The following ITIH5 variants were observed in gnomAD, a reference collection of about 807,000 sequenced individuals.
ITIH5 encodes inter-alpha-trypsin inhibitor heavy chain H5.
In ITIH5, 65 loss-of-function variants were observed where a neutral mutation model predicts 77.5. The observed-to-expected ratio is 0.84, with a 90% confidence interval of 0.69 to 1.03. ITIH5 has a LOEUF of 1.03. Ranked by LOEUF, ITIH5 falls within the 50% of genes least tolerant of loss-of-function variation. ITIH5 has a pLI of 0.00. For missense variants in ITIH5, 1,208 were observed against 1,213.1 expected, an observed-to-expected ratio of 1.00 and a Z score of 0.06; for synonymous variants, 525 against 494.3, an observed-to-expected ratio of 1.06 and a Z score of -0.82.
chr10:7,642,670 C>T (rs1223418810), intron 2 of ITIH5, among the ~76,000 whole-genome samples: 5 of 152,156 alleles, frequency 3.3e-5, no homozygotes, highest in Non-Finnish European at 7.3e-5. Flanking sequence ...AAAAGGAACA[C>T]ATAAGTCTGT....
chr10:7,581,801 G>A (rs531531956), intron 8 of ITIH5, among the ~76,000 whole-genome samples: 1 of 131,962 alleles, frequency 7.6e-6, no homozygotes. Flanking sequence ...GGCTCAAGCA[G>A]TTCTCCCACC....
At chr10:7,567,354 T>TATA (rs1832209983) in intron 12 of ITIH5, among the ~76,000 whole-genome samples, 1 of 148,252 alleles carries the variant, frequency 6.7e-6, no homozygotes, top group Admixed American at 6.7e-5. Flanking sequence ...TTATTATTAT[T>TATA]ATACTTTAGG....
Position 7,569,743 on chromosome 10 carries a change from T to C in ITIH5, c.2074A>G (p.Arg692Gly). ...TCAATGTTGAAGCACACGGTGAGTCTGCTCAGGGGGAAATCCACAACAAAG... is the reference window on the plus strand; with the variant it reads ...TCAATGTTGAAGCACACGGTGAGTCCGCTCAGGGGGAAATCCACAACAAAG... ...PHFVVDFPLS[R>G]LTVCFNIDGQ... The change falls in exon 12 of 14, where the codon AGA (arginine) becomes GGA (glycine). Residue 692 changes from arginine to glycine, a missense_variant. By Grantham distance (125) the Arg-to-Gly change is moderately radical. Coordinates refer to ENST00000397146, the MANE Select transcript of ITIH5 (RefSeq NM_030569.7). 1.2e-6 allele frequency: 2 copies of C among 1,612,666 alleles called. No individual in the cohort carries two copies. Among genetic ancestry groups the C allele is most frequent in the South Asian group, 2.2e-5 (2 of 90,720 alleles).
chr10:7,654,741 T>C (rs748707885), intron 2 of ITIH5, among the ~76,000 whole-genome samples: 6 of 152,216 alleles, frequency 3.9e-5, no homozygotes, highest in Non-Finnish European at 5.9e-5. Flanking sequence ...TCTGCTAGTA[T>C]CCATGAAATG....
At chr10:7,623,488 C>T (rs965324643) in intron 5 of ITIH5, among the ~76,000 whole-genome samples, 1 of 152,100 alleles carries the variant, frequency 6.6e-6, no homozygotes, top group African/African-American at 2.4e-5. Context: ...GAGGCAATGA[C>T]GATGAGAAGG....
intron 10 of ITIH5, among the ~76,000 whole-genome samples, chr10:7,574,685 T>C (rs1486592794): frequency 1.4e-5 from 2 of 148,042 alleles, no homozygotes; most frequent in Non-Finnish European, 3.0e-5. Context: ...CCCAGCTACT[T>C]GGGAGGCTGA....
At chr10:7,581,870 AT>A (rs34386089) in intron 8 of ITIH5, among the ~76,000 whole-genome samples, 33,754 of 81,204 alleles carry the variant, frequency 0.42, 5,467 homozygotes, top group East Asian at 0.67. Flanking sequence ...CCACCCATGT[AT>A]TTTTTTTTTT....
At chr10:7,575,193 G>A (rs989507794) in intron 10 of ITIH5, among the ~76,000 whole-genome samples, 2 of 152,194 alleles carry the variant, frequency 1.3e-5, no homozygotes, top group African/African-American at 4.8e-5. Context: ...CTCACTGTGT[G>A]CCCACGGCAT....
chr10:7,633,953 G>T (rs1208522959), intron 5 of ITIH5, among the ~76,000 whole-genome samples: 2 of 152,024 alleles, frequency 1.3e-5, no homozygotes, highest in Admixed American at 1.3e-4. Context: ...GCCAGGCGTG[G>T]TGGTGGGCGC....
In ITIH5 at chr10:7,584,202, A is replaced by G. The variant is rs143393581; in HGVS notation, c.1108+1699T>C. Among the ~76,000 whole-genome samples, 173 of 152,270 alleles carry G rather than the reference A, an allele frequency of 1.1e-3. 4 individuals are homozygous for G. Among genetic ancestry groups the G allele is most frequent in the Admixed American group, 8.0e-3 (123 of 15,298 alleles). On this transcript the variant is annotated intron_variant, in intron 8 of 13. Coordinates refer to ENST00000397146, the MANE Select transcript of ITIH5 (RefSeq NM_030569.7). The stretch of plus-strand genomic sequence containing the variant: ...GATCTGCTGTTCACCTGCAGAGGCT[A>G]GGGCAATGCAGTTCAAGAAAAATAA...
chr10:7,582,100 T>C (rs958978722), intron 8 of ITIH5, among the ~76,000 whole-genome samples: 33 of 151,978 alleles, frequency 2.2e-4, no homozygotes, highest in African/African-American at 5.8e-4. Flanking sequence ...TGGTCTTGAT[T>C]TCCTGACCTT....
At chr10:7,589,228 C>T (rs374503025) in intron 7 of ITIH5, among the ~76,000 whole-genome samples, 3 of 152,170 alleles carry the variant, frequency 2.0e-5, no homozygotes, top group South Asian at 2.1e-4. Flanking sequence ...GAGGCTGAGG[C>T]GGGCAAATCA....
chr10:7,666,093 C>T (rs1006270955), intron 1 of ITIH5, among the ~76,000 whole-genome samples: 1 of 152,230 alleles, frequency 6.6e-6, no homozygotes, highest in African/African-American at 2.4e-5. Flanking sequence ...GTGACAGGGC[C>T]ATGTTGCACA....
intron 11 of ITIH5, among the ~76,000 whole-genome samples, chr10:7,571,070 C>A (rs1832287321): frequency 6.6e-6 from 1 of 152,214 alleles, no homozygotes; most frequent in Admixed American, 6.5e-5. Context: ...CTGAGAAACC[C>A]TTTCTGCCCC....
At chr10:7,630,174 T>C (rs1482144965) in intron 5 of ITIH5, among the ~76,000 whole-genome samples, 1 of 152,234 alleles carries the variant, frequency 6.6e-6, no homozygotes, top group Non-Finnish European at 1.5e-5. Flanking sequence ...AAAAGTTTTA[T>C]GGAAGTTTAA....
rs753631058 is a variant in ITIH5, at chr10:7,642,027, T to G, written c.199A>C (p.Thr67Pro). The G allele has an allele frequency of 5.3e-5, 86 of 1,614,114 alleles. No individual in the cohort carries two copies. The highest frequency in any genetic ancestry group is 7.2e-5 in the Non-Finnish European group (85 of 1,179,942). ...TTCAGCATTCTGCAGGAAACCGTAG[T>G]GAAGGCATAACGGGAAATGATGGTA... ...KSTIISRYAF[T>P]TVSCRMLNRA... is the part of the protein sequence containing the mutation. The change falls in exon 3 of 14, where the codon ACT (threonine) becomes CCT (proline). Residue 67 changes from threonine (T) to proline (P), a missense_variant. By Grantham distance (38) the Thr-to-Pro change is conservative. Coordinates refer to ENST00000397146, the MANE Select transcript of ITIH5 (RefSeq NM_030569.7).
chr10:7,565,017 C>CATAT (rs1832114419), intron 13 of ITIH5, among the ~76,000 whole-genome samples: 1 of 144,486 alleles, frequency 6.9e-6, no homozygotes. Context: ...TACATATATA[C>CATAT]ATATATACAT....
At chr10:7,607,602 T>G (rs1320575101) in intron 7 of ITIH5, among the ~76,000 whole-genome samples, 1 of 152,132 alleles carries the variant, frequency 6.6e-6, no homozygotes, top group East Asian at 1.9e-4. Flanking sequence ...TCACCTGAGG[T>G]CAGGAGTTCG....
Position 7,562,917 on chromosome 10 carries a change from C to A in ITIH5, c.*166G>T. ...TCAGGCTTCCCGCCCCTACCCACCC[C>A]TACCCTTCGCCCAGACAGACGTCGG... is the stretch of plus-strand genomic sequence containing the variant. On this transcript the variant is annotated 3_prime_UTR_variant, in exon 14 of 14. Coordinates refer to ENST00000397146, the MANE Select transcript of ITIH5 (RefSeq NM_030569.7). 1 of 625,038 alleles carries A rather than the reference C, an allele frequency of 1.6e-6. No individual in the cohort carries two copies. Among genetic ancestry groups the A allele is most frequent in the Non-Finnish European group, 2.9e-6 (1 of 341,184 alleles). The allele number at this position is 625,038 out of a possible 1,614,324, so 38.7% of individuals were successfully genotyped here.
Sources: allele counts gnomAD v4.1 joint callset (sites outside exome capture counted in the v4.1 genomes callset), GRCh38; gene constraint gnomAD v4.1.1; transcripts MANE v1.5; gene names NCBI Gene and HGNC (gene_info 2026-07-23, HGNC 2026-07-21).